Variants in PHF24 observed in about 807,000 individuals in gnomAD.
PHF24 encodes the protein Galpha inhibitory interacting protein.
A neutral mutation model predicts 42.6 loss-of-function variants in PHF24; 25 were observed. The ratio of observed to expected loss-of-function variants is 0.59; its 90% CI spans 0.43 to 0.82. The LOEUF (loss-of-function observed/expected upper bound fraction) is 0.82, where lower values mean the gene tolerates loss of function less well. PHF24 is among the 40% of genes least tolerant of loss of function. The probability of loss-of-function intolerance (pLI) is 0.00; values close to 1 mark genes in which losing one functional copy is unlikely to be tolerated. For synonymous variants in PHF24, 185 were observed against 204.8 expected (o/e 0.90, Z 0.83); for missense variants, 470 against 538.1 (o/e 0.87, Z 1.25).
chr9:34,883,337 T>A, the PHF24 span, among the ~76,000 whole-genome samples: 18 of 152,144 alleles, frequency 1.2e-4, no homozygotes, highest in Admixed American at 2.6e-4. Flanking sequence ...CCAAAAGCAA[T>A]AGCAACAAAA....
chr9:34,861,107 TCAC>T, the PHF24 span, among the ~76,000 whole-genome samples: 1 of 151,988 alleles, frequency 6.6e-6, no homozygotes, highest in African/African-American at 2.4e-5. Context: ...AGAAAAAAAA[TCAC>T]CAGGAAAATG....
chr9:34,958,101 G>A (rs533191672), upstream of PHF24, among the ~76,000 whole-genome samples: 681 of 149,146 alleles, frequency 4.6e-3, 8 homozygotes, highest in African/African-American at 0.016. The surrounding 1 kb of genome is among the most constrained non-coding windows in gnomAD (Gnocchi z 4.5). Context: ...GGAGCCGCGA[G>A]GGCGTCTCCT....
chr9:34,810,025 C>T, the PHF24 span, among the ~76,000 whole-genome samples: 1 of 150,040 alleles, frequency 6.7e-6, no homozygotes, highest in Non-Finnish European at 1.5e-5. Flanking sequence ...GCGCCGCCGC[C>T]GCCGCCCACG....
At chr9:34,813,903 G>A in the PHF24 span, among the ~76,000 whole-genome samples, 1 of 152,146 alleles carries the variant, frequency 6.6e-6, no homozygotes, top group Non-Finnish European at 1.5e-5. Flanking sequence ...ACAATAGCAA[G>A]AAGAGGTTTA....
At chr9:34,939,596 C>A in the PHF24 span, among the ~76,000 whole-genome samples, 1 of 152,214 alleles carries the variant, frequency 6.6e-6, no homozygotes, top group Admixed American at 6.5e-5. Context: ...CCATAATATC[C>A]CTGCCATGTG....
At chr9:34,690,389 G>A in the PHF24 span, 1 of 1,603,320 alleles carries the variant, frequency 6.2e-7, no homozygotes, top group Non-Finnish European at 8.5e-7. Flanking sequence ...CCTTGAGGGT[G>A]GCATGGCCAT....
the PHF24 span, among the ~76,000 whole-genome samples, chr9:34,670,123 G>A: frequency 6.6e-6 from 1 of 152,216 alleles, no homozygotes; most frequent in Non-Finnish European, 1.5e-5. Context: ...AGAAACCACT[G>A]AGAGAAGCTC....
chr9:34,768,366 A>T, the PHF24 span, among the ~76,000 whole-genome samples: 1 of 152,320 alleles, frequency 6.6e-6, no homozygotes, highest in Non-Finnish European at 1.5e-5. Context: ...GTTACAGCAA[A>T]GGGCACCTTA....
At chr9:34,724,036 C>G in the PHF24 span, 2 of 1,535,428 alleles carry the variant, frequency 1.3e-6, no homozygotes, top group Non-Finnish European at 1.8e-6. Flanking sequence ...TTGAGGAGCG[C>G]CCAAACCCCG....
At chr9:34,761,561 G>A in the PHF24 span, among the ~76,000 whole-genome samples, 313 of 152,306 alleles carry the variant, frequency 2.1e-3, 2 homozygotes, top group African/African-American at 6.6e-3. Context: ...GGAAAAAGAT[G>A]TAGAACATAT....
At chr9:34,917,223 T>G in the PHF24 span, 3 of 1,392,154 alleles carry the variant, frequency 2.2e-6, no homozygotes, top group Non-Finnish European at 3.1e-6. Context: ...CAAGCAGGTG[T>G]ACATATCCCT....
chr9:34,922,560 AT>A, the PHF24 span: 1 of 972,618 alleles, frequency 1.0e-6, no homozygotes. Flanking sequence ...ATCTCCTTTC[AT>A]TTTCAAATAG....
chr9:34,895,794 C>T, the PHF24 span: 1 of 398,934 alleles, frequency 2.5e-6, no homozygotes. Context: ...CCAGATTTTA[C>T]ACCTCGTCAT....
rs536355006 is a variant in PHF24, at chr9:34,977,696, C to T, written c.1106+55C>T. On this transcript the variant is annotated intron_variant, in intron 7 of 7. Coordinates refer to ENST00000242315, the Ensembl canonical transcript of PHF24. ...GTACCCTCTGAACCCCCACAAAACACACAAGTAAGAGAGGGCATTACCCAC... is the reference window on the plus strand; with the variant it reads ...GTACCCTCTGAACCCCCACAAAACATACAAGTAAGAGAGGGCATTACCCAC... The T allele has an allele frequency of 2.6e-4, 373 of 1,422,848 alleles. 1 individual carries two copies. The highest frequency in any genetic ancestry group is 3.2e-4 in the Non-Finnish European group (328 of 1,028,632). 88.1% of individuals were successfully genotyped at this position (1,422,848 alleles called of 1,614,324 possible). A position where few individuals can be genotyped will look rare whatever the true frequency, so the allele number is the denominator to read the frequency against.
chr9:34,950,672 A>AATTTTATAAC, the PHF24 span, among the ~76,000 whole-genome samples: 1 of 152,178 alleles, frequency 6.6e-6, no homozygotes, highest in Non-Finnish European at 1.5e-5. Flanking sequence ...ACCCTTTAAA[A>AATTTTATAAC]AGGTGAATTT....
At chr9:34,928,576 C>A in the PHF24 span, among the ~76,000 whole-genome samples, 180 of 152,268 alleles carry the variant, frequency 1.2e-3, no homozygotes, top group African/African-American at 4.2e-3. Context: ...CTCCCTCCAT[C>A]TTTTCATGTG....
In PHF24 at chr9:34,958,407, C is replaced by CGGGGGCGGG. The variant is rs1182640086; in HGVS notation, c.-5+9_-5+17dup. 1 of 151,814 alleles carries CGGGGGCGGG rather than the reference C, an allele frequency of 6.6e-6. No homozygotes were observed. Among genetic ancestry groups the CGGGGGCGGG allele is most frequent in the African/African-American group, 2.4e-5 (1 of 41,340 alleles). The allele number at this position is 151,814 out of a possible 1,614,324, so 9.4% of individuals were successfully genotyped here. ...CCCGCACCCGGACGGTCCCGGTAAGCGGGGGCGGGGGCGGCGGGGACCGGG... is the reference window on the plus strand; with the variant it reads ...CCCGCACCCGGACGGTCCCGGTAAGCGGGGGCGGGGGGGGCGGGGGCGGCGGGGACCGGG... On this transcript the variant is annotated splice_region_variant and intron_variant, in intron 1 of 7. Transcript: ENST00000242315. The surrounding 1 kb of genome is among the most constrained non-coding windows in gnomAD (Gnocchi z 4.5).
the PHF24 span, among the ~76,000 whole-genome samples, chr9:34,845,995 A>G: frequency 1.3e-5 from 2 of 151,992 alleles, no homozygotes; most frequent in Non-Finnish European, 2.9e-5. Context: ...AATCCAGTCT[A>G]TCATTGTTGG....
At chr9:34,760,804 C>T in the PHF24 span, among the ~76,000 whole-genome samples, 2 of 152,198 alleles carry the variant, frequency 1.3e-5, no homozygotes, top group Non-Finnish European at 2.9e-5. Flanking sequence ...CCAGCCTGGG[C>T]AACATGGCGA....
Sources: allele counts gnomAD v4.1 joint callset (sites outside exome capture counted in the v4.1 genomes callset), GRCh38; gene constraint gnomAD v4.1.1; non-coding constraint Gnocchi (gnomAD v3.1); transcripts MANE v1.5; gene names NCBI Gene and HGNC (gene_info 2026-07-23, HGNC 2026-07-21).